PHLPP1: variants seen among roughly 807,000 people sequenced by gnomAD.
PHLPP1 encodes the protein PH domain and leucine rich repeat protein phosphatase 1.
In PHLPP1, 42 loss-of-function variants were observed where a neutral mutation model predicts 117.2. That is an observed-to-expected ratio of 0.36 (90% CI 0.28 to 0.46). The LOEUF (loss-of-function observed/expected upper bound fraction) is 0.46, where lower values mean the gene tolerates loss of function less well. Among genes scored for constraint, PHLPP1 ranks in the 20% least tolerant of loss-of-function variants. The probability of loss-of-function intolerance (pLI) is 1.00; values close to 1 mark genes in which losing one functional copy is unlikely to be tolerated. For synonymous variants in PHLPP1, 1,042 were observed against 970.7 expected (o/e 1.07, Z -1.37); for missense variants, 2,084 against 2,241.9 (o/e 0.93, Z 1.42).
chr18:62,852,876 G>A lies in PHLPP1; in HGVS notation c.1900-7559G>A, dbSNP rs142484969. 5.3e-3 allele frequency among the ~76,000 whole-genome samples: 809 copies of A among 152,304 alleles called. 3 individuals carry two copies. Among genetic ancestry groups the A allele is most frequent in the Non-Finnish European group, 9.2e-3 (625 of 68,034 alleles). ...CACTAACTGAACCAAGAAGAGTAAT[G>A]GGAATGATGCAGAGTACTGTCCTCT... On this transcript the variant is annotated intron_variant, in intron 3 of 16. Transcript: ENST00000262719.
intron 1 of PHLPP1, among the ~76,000 whole-genome samples, chr18:62,735,364 A>G (rs567145968): frequency 1.3e-5 from 2 of 152,238 alleles, no homozygotes; most frequent in African/African-American, 2.4e-5. Flanking sequence ...GATTATAGAC[A>G]TAAGCTACCC....
intron 1 of PHLPP1, among the ~76,000 whole-genome samples, chr18:62,745,309 T>C (rs1911644348): frequency 6.6e-6 from 1 of 152,212 alleles, no homozygotes; most frequent in South Asian, 2.1e-4. Context: ...ACAGGAAAAG[T>C]AAACACGTTA....
At chr18:62,931,589 G>A (rs904754353) in intron 10 of PHLPP1, among the ~76,000 whole-genome samples, 2 of 136,110 alleles carry the variant, frequency 1.5e-5, no homozygotes, top group Non-Finnish European at 3.2e-5. Flanking sequence ...TAGACTACTC[G>A]CTAGATTAAC....
At chr18:62,970,570 A>C (rs560333094) in intron 14 of PHLPP1, among the ~76,000 whole-genome samples, 80 of 152,222 alleles carry the variant, frequency 5.3e-4, no homozygotes, top group African/African-American at 1.9e-3. Flanking sequence ...TATGAGACCA[A>C]CCTGGCCAAG....
chr18:62,790,188 C>G (rs1243539120), intron 1 of PHLPP1, among the ~76,000 whole-genome samples: 2 of 152,124 alleles, frequency 1.3e-5, no homozygotes, highest in Admixed American at 1.3e-4. Context: ...GGTTGTCAGT[C>G]AGCGATCACT....
intron 12 of PHLPP1, among the ~76,000 whole-genome samples, chr18:62,955,387 C>T (rs954489164): frequency 6.6e-6 from 1 of 152,132 alleles, no homozygotes; most frequent in Non-Finnish European, 1.5e-5. Flanking sequence ...GTAAACCACA[C>T]TGAGAAACCA....
chr18:62,771,532 T>G (rs1912778124), intron 1 of PHLPP1, among the ~76,000 whole-genome samples: 1 of 152,194 alleles, frequency 6.6e-6, no homozygotes. Flanking sequence ...TAATGCTGTG[T>G]TTTTGTTTAA....
At chr18:62,746,856 T>G (rs543969070) in intron 1 of PHLPP1, among the ~76,000 whole-genome samples, 1 of 152,314 alleles carries the variant, frequency 6.6e-6, no homozygotes, top group South Asian at 2.1e-4. Flanking sequence ...ATTTTTCGCT[T>G]GGTAGAACTT....
At chr18:62,756,498 A>G (rs912196626) in intron 1 of PHLPP1, among the ~76,000 whole-genome samples, 1 of 152,142 alleles carries the variant, frequency 6.6e-6, no homozygotes, top group Non-Finnish European at 1.5e-5. Flanking sequence ...GATCTAGACA[A>G]TATGTGGTAT....
chr18:62,788,845 A>G (rs994725610), intron 1 of PHLPP1, among the ~76,000 whole-genome samples: 4 of 151,664 alleles, frequency 2.6e-5, no homozygotes, highest in Admixed American at 2.0e-4. Flanking sequence ...AGGTTCTTTC[A>G]TCTCTTTGTA....
chr18:62,920,249 C>A, intron 10 of PHLPP1, 135 bp downstream of exon 10: 1 of 886,836 alleles, frequency 1.1e-6, no homozygotes, highest in Non-Finnish European at 1.7e-6. Flanking sequence ...AATAGTTTTG[C>A]CAGCCACTTT....
intron 12 of PHLPP1, among the ~76,000 whole-genome samples, chr18:62,948,077 C>T (rs369765335): frequency 2.6e-5 from 4 of 152,028 alleles, no homozygotes; most frequent in African/African-American, 9.6e-5. Flanking sequence ...GGCACGGCAG[C>T]TCCTTGGGAG....
chr18:62,811,689 A>G (rs1351005425), intron 1 of PHLPP1, among the ~76,000 whole-genome samples: 1 of 152,172 alleles, frequency 6.6e-6, no homozygotes, highest in Non-Finnish European at 1.5e-5. Flanking sequence ...AAAATTTCCA[A>G]AAGGTAAATC....
chr18:62,819,923 C>T (rs1280996600), intron 1 of PHLPP1, among the ~76,000 whole-genome samples: 1 of 152,166 alleles, frequency 6.6e-6, no homozygotes. Flanking sequence ...GCTGGGATTA[C>T]AGGTGTGAAC....
intron 4 of PHLPP1, among the ~76,000 whole-genome samples, chr18:62,882,888 A>AAGGT (rs1173873908): frequency 4.0e-5 from 6 of 151,404 alleles, no homozygotes; most frequent in African/African-American, 1.5e-4. Flanking sequence ...TTGAATGGAT[A>AAGGT]AGGTTGATTT....
At chr18:62,804,068 C>G (rs1430007065) in intron 1 of PHLPP1, among the ~76,000 whole-genome samples, 1 of 152,098 alleles carries the variant, frequency 6.6e-6, no homozygotes, top group Non-Finnish European at 1.5e-5. Context: ...ACTCACAGTT[C>G]CAAATGGCTG....
Position 62,979,290 on chromosome 18 carries a change from AGAG to A in PHLPP1, c.5018_5020del (p.Glu1673del). The A allele has an allele frequency of 6.4e-7, 1 of 1,557,632 alleles. No individual in the cohort carries two copies. The highest frequency in any genetic ancestry group is 1.2e-5 in the South Asian group (1 of 84,612). On this transcript the variant is annotated inframe_deletion, in exon 17 of 17. Coordinates refer to ENST00000262719, the MANE Select transcript of PHLPP1 (RefSeq NM_194449.4). ...AGTTTATCATACCCCCGGAGCTGGA[AGAG>A]GAGGTCAAAGAAATCATGAAGCATC...
chr18:62,957,716 A>ATTT (rs774423724), intron 12 of PHLPP1, among the ~76,000 whole-genome samples: 1 of 136,852 alleles, frequency 7.3e-6, no homozygotes, highest in Non-Finnish European at 1.6e-5. Flanking sequence ...CCGGATTCTT[A>ATTT]TTTTTTTTTT....
chr18:62,715,676 C>A lies in PHLPP1; in HGVS notation c.-8C>A. On this transcript the variant is annotated 5_prime_UTR_variant, in exon 1 of 17. Transcript: ENST00000262719. Reference sequence around the variant, plus strand: ...GGAGCTGGGGGGGAAACGCGAAGCCCCACTGCAATGGAGCCCGCCGCCGCG... The same window carrying A: ...GGAGCTGGGGGGGAAACGCGAAGCCACACTGCAATGGAGCCCGCCGCCGCG... The A allele has an allele frequency of 7.8e-7, 1 of 1,286,418 alleles. No individual in the cohort carries two copies. Among genetic ancestry groups the A allele is most frequent in the Non-Finnish European group, 9.8e-7 (1 of 1,015,242 alleles). The allele number at this position is 1,286,418 out of a possible 1,614,324, so 79.7% of individuals were successfully genotyped here. A position where few individuals can be genotyped will look rare whatever the true frequency, so the allele number is the denominator to read the frequency against.
Sources: gnomAD v4.1 joint callset for allele counts (sites outside exome capture counted in the v4.1 genomes callset) on GRCh38, gnomAD v4.1.1 for gene constraint, MANE v1.5 for transcripts, NCBI Gene and HGNC (gene_info 2026-07-23, HGNC 2026-07-21) for gene names.